Variants in IL1RAPL2 observed in about 807,000 individuals in gnomAD.
IL1RAPL2 encodes interleukin 1 receptor accessory protein like 2, also known as X-linked interleukin-1 receptor accessory protein-like 2.
A neutral mutation model predicts 44.1 loss-of-function variants in IL1RAPL2; 3 were observed. That is an observed-to-expected ratio of 0.07 (90% CI 0.03 to 0.18). IL1RAPL2 has a LOEUF of 0.18. Among genes scored for constraint, IL1RAPL2 ranks in the 10% least tolerant of loss-of-function variants. IL1RAPL2 has a pLI of 1.00. For missense variants in IL1RAPL2, 391 were observed against 496.4 expected, an observed-to-expected ratio of 0.79 and a Z score of 2.02; for synonymous variants, 181 against 178.8, an observed-to-expected ratio of 1.01 and a Z score of -0.10.
intron 2 of IL1RAPL2, among the ~76,000 whole-genome samples, chrX:105,062,225 G>A: frequency 9.0e-6 from 1 of 111,308 alleles, no homozygotes; most frequent in East Asian, 2.8e-4. Flanking sequence ...GCTACCATAA[G>A]ACTTGCAAAT....
Position 105,665,756 on chromosome X carries a change from G to T in IL1RAPL2, c.773-51611G>T, listed in dbSNP as rs12015436. Among the ~76,000 whole-genome samples the T allele has an allele frequency of 2.1e-3, 178 of 83,943 alleles. 1 individual carries two copies. The highest frequency in any genetic ancestry group is 8.7e-3 in the African/African-American group (158 of 18,139). 72.9% of individuals were successfully genotyped at this position (83,943 alleles called of 115,157 possible). A position where few individuals can be genotyped will look rare whatever the true frequency, so the allele number is the denominator to read the frequency against. On this transcript the variant is annotated intron_variant, in intron 6 of 10. Transcript: ENST00000372582. ...TTTGTTTTTTTGTTTTTTTTTTTTT[G>T]TTGTTGTTGTTGTTGTTGTTTTCCG...
chrX:105,302,596 T>G (rs1040815968), intron 5 of IL1RAPL2, among the ~76,000 whole-genome samples: 3 of 112,138 alleles, frequency 2.7e-5, no homozygotes, highest in African/African-American at 9.7e-5. Flanking sequence ...CCTGTTCTAC[T>G]GTGACTGAGC....
intron 6 of IL1RAPL2, among the ~76,000 whole-genome samples, chrX:105,606,265 A>C (rs1337221898): frequency 8.9e-6 from 1 of 111,992 alleles, no homozygotes; most frequent in Non-Finnish European, 1.9e-5. Flanking sequence ...CATTTCTCAA[A>C]AGAAGACACA....
intron 2 of IL1RAPL2, among the ~76,000 whole-genome samples, chrX:104,663,199 C>G (rs1930432995): frequency 9.0e-6 from 1 of 111,437 alleles, no homozygotes; most frequent in Non-Finnish European, 1.9e-5. Flanking sequence ...CACTAAAATA[C>G]ATTTGTTTTA....
intron 5 of IL1RAPL2, among the ~76,000 whole-genome samples, chrX:105,451,173 T>G (rs778860773): frequency 1.4e-4 from 16 of 111,686 alleles, no homozygotes; most frequent in African/African-American, 4.2e-4. Flanking sequence ...CACTTCTAGT[T>G]TATTCTCTAA....
At chrX:104,633,837 A>G (rs1929720193) in intron 1 of IL1RAPL2, among the ~76,000 whole-genome samples, 2 of 110,237 alleles carry the variant, frequency 1.8e-5, no homozygotes, top group South Asian at 7.8e-4. Flanking sequence ...TTGTGTCTCT[A>G]TTTCCTTCAG....
chrX:105,521,145 C>T (rs1372968717), intron 6 of IL1RAPL2, among the ~76,000 whole-genome samples: 1 of 102,998 alleles, frequency 9.7e-6, no homozygotes, highest in Non-Finnish European at 2.0e-5. Context: ...GGGGTTTCAC[C>T]GTGTGAACCA....
intron 1 of IL1RAPL2, among the ~76,000 whole-genome samples, chrX:104,634,139 T>C (rs1298242841): frequency 9.0e-6 from 1 of 111,663 alleles, no homozygotes; most frequent in African/African-American, 3.3e-5. Context: ...TCAGTTTCCA[T>C]GTAGTTGAGC....
intron 2 of IL1RAPL2, among the ~76,000 whole-genome samples, chrX:105,037,681 A>T (rs936495239): frequency 9.0e-6 from 1 of 111,393 alleles, no homozygotes; most frequent in African/African-American, 3.3e-5. Context: ...TGTCCTCTAG[A>T]TCCCATCCCC....
intron 2 of IL1RAPL2, among the ~76,000 whole-genome samples, chrX:104,777,541 AATTATTATTATTATTATT>A (rs376271609): frequency 0.011 from 943 of 85,298 alleles, 8 homozygotes; most frequent in Non-Finnish European, 0.014. Context: ...CTCTGCTTTC[AATTATTATTATTATTATT>A]ATTATTATTA....
At chrX:105,604,835 A>G (rs2037281766) in intron 6 of IL1RAPL2, among the ~76,000 whole-genome samples, 1 of 111,539 alleles carries the variant, frequency 9.0e-6, no homozygotes, top group African/African-American at 3.3e-5. Flanking sequence ...CAGCATAACA[A>G]TTCAATAAAT....
intron 6 of IL1RAPL2, among the ~76,000 whole-genome samples, chrX:105,686,334 G>A (rs1437466114): frequency 1.1e-5 from 1 of 89,908 alleles, no homozygotes; most frequent in Non-Finnish European, 2.1e-5. Context: ...ACACACATAG[G>A]CTCAAAATAA....
In IL1RAPL2 at chrX:104,677,951, C is replaced by T. The variant is rs982255142; in HGVS notation, c.82+18956C>T. Among the ~76,000 whole-genome samples the T allele has an allele frequency of 4.4e-5, 5 of 112,519 alleles. No homozygotes were observed. The South Asian group carries it at 1.5e-3, about 33-fold the overall frequency. On this transcript the variant is annotated intron_variant, in intron 2 of 10. Transcript: ENST00000372582. ...AGTGAGGCAATGCCTCACCCTGCTT[C>T]GGCTCGCGCATGGTGCGCGCACCCA...
intron 6 of IL1RAPL2, among the ~76,000 whole-genome samples, chrX:105,494,901 A>ATCTGGGAAAAAATACTCAGT (rs1283442801): frequency 2.7e-5 from 3 of 112,224 alleles, no homozygotes; most frequent in Non-Finnish European, 3.8e-5. Context: ...AAATACTCAG[A>ATCTGGGAAAAAATACTCAGT]GATCTGTGAA....
chrX:105,353,728 G>C (rs369091903), intron 5 of IL1RAPL2, among the ~76,000 whole-genome samples: 134 of 111,046 alleles, frequency 1.2e-3, no homozygotes, highest in African/African-American at 3.8e-3. Context: ...ATTTGGCTCT[G>C]TGTTTGTCTG....
At chrX:105,089,844 T>C (rs1249571269) in intron 2 of IL1RAPL2, among the ~76,000 whole-genome samples, 1 of 112,002 alleles carries the variant, frequency 8.9e-6, no homozygotes. Context: ...TGTTTGTTTG[T>C]TGTAGCTCTT....
chrX:105,059,497 T>C (rs2032043259), intron 2 of IL1RAPL2, among the ~76,000 whole-genome samples: 1 of 112,396 alleles, frequency 8.9e-6, no homozygotes, highest in Admixed American at 9.4e-5. Context: ...ATTCTGTAGA[T>C]GTACCAGATG....
At chrX:104,633,048 G>A (rs950342861) in intron 1 of IL1RAPL2, among the ~76,000 whole-genome samples, 3 of 111,597 alleles carry the variant, frequency 2.7e-5, no homozygotes, top group African/African-American at 9.8e-5. Context: ...TTTTTAGCAT[G>A]AAGGGTTGTT....
chrX:105,464,211 C>G (rs1252146285), intron 5 of IL1RAPL2, among the ~76,000 whole-genome samples: 1 of 112,129 alleles, frequency 8.9e-6, no homozygotes, highest in African/African-American at 3.2e-5. Flanking sequence ...TTCAATTTAT[C>G]AAGTTCTTAC....
Sources: gnomAD v4.1 joint callset for allele counts (sites outside exome capture counted in the v4.1 genomes callset) on GRCh38, gnomAD v4.1.1 for gene constraint, MANE v1.5 for transcripts, NCBI Gene and HGNC (gene_info 2026-07-23, HGNC 2026-07-21) for gene names.